NTF3: variants seen among roughly 807,000 people sequenced by gnomAD.
NTF3 encodes neurotrophin 3, also known as neurotrophin-3.
In NTF3, 8 loss-of-function variants were observed where a neutral mutation model predicts 26.3. The observed-to-expected ratio is 0.30, with a 90% CI of 0.18 to 0.55. NTF3 has a LOEUF of 0.55. NTF3 is among the 20% of genes least tolerant of loss of function. NTF3 has a pLI of 0.93. For missense variants in NTF3, 276 were observed against 352.9 expected (o/e 0.78, Z 1.75); for synonymous variants, 154 against 145.5 (o/e 1.06, Z -0.42).
At chr12:5,432,367 G>C (rs1345344806) in intron 1 of NTF3, 25 bp downstream of exon 1, 1 of 1,611,280 alleles carries the variant, frequency 6.2e-7, no homozygotes, top group East Asian at 2.2e-5. Context: ...CGGGCACCTT[G>C]GGTGGGCAGG....
chr12:5,488,793 AT>A (rs1230077740), intron 1 of NTF3, among the ~76,000 whole-genome samples: 1 of 152,180 alleles, frequency 6.6e-6, no homozygotes, highest in Admixed American at 6.5e-5. Context: ...AGCCGAAGAA[AT>A]TCTCCAAAGA....
chr12:5,470,941 A>C (rs1471873508), intron 1 of NTF3, among the ~76,000 whole-genome samples: 1 of 151,364 alleles, frequency 6.6e-6, no homozygotes, highest in East Asian at 1.9e-4. Flanking sequence ...ATACACGCAG[A>C]AGCTGCACAT....
chr12:5,468,375 T>C (rs1255851278), intron 1 of NTF3, among the ~76,000 whole-genome samples: 2 of 152,176 alleles, frequency 1.3e-5, no homozygotes, highest in African/African-American at 4.8e-5. Flanking sequence ...GCCTTTTTTT[T>C]ACTTTTCAAG....
At chr12:5,435,554 G>C (rs547696733) in intron 1 of NTF3, among the ~76,000 whole-genome samples, 8 of 152,086 alleles carry the variant, frequency 5.3e-5, no homozygotes, top group African/African-American at 1.9e-4. Context: ...TGGGAAGGGA[G>C]CTGGACGGTG....
At chr12:5,443,554 G>C (rs977968760) in intron 1 of NTF3, among the ~76,000 whole-genome samples, 1 of 152,078 alleles carries the variant, frequency 6.6e-6, no homozygotes, top group African/African-American at 2.4e-5. Context: ...ATATGTGCAT[G>C]GTGCTTTGCG....
At chr12:5,471,202 G>A (rs1006976828) in intron 1 of NTF3, among the ~76,000 whole-genome samples, 22 of 152,108 alleles carry the variant, frequency 1.4e-4, no homozygotes, top group Admixed American at 6.6e-5. Flanking sequence ...CTATTAATGT[G>A]GAACAGACGG....
At chr12:5,458,533 AGTT>A (rs1215256484) in intron 1 of NTF3, among the ~76,000 whole-genome samples, 1 of 152,208 alleles carries the variant, frequency 6.6e-6, no homozygotes, top group Non-Finnish European at 1.5e-5. Flanking sequence ...GCCAATAAAA[AGTT>A]GATGAATGAA....
At chr12:5,432,555 CTACA>C (rs1565568611) in intron 1 of NTF3, among the ~76,000 whole-genome samples, 1 of 98,334 alleles carries the variant, frequency 1.0e-5, no homozygotes, top group African/African-American at 4.1e-5. Flanking sequence ...AGCCACCCCG[CTACA>C]CACACACACA....
intron 1 of NTF3, among the ~76,000 whole-genome samples, chr12:5,446,081 C>T (rs539980107): frequency 6.6e-6 from 1 of 152,262 alleles, no homozygotes; most frequent in Admixed American, 6.5e-5. Context: ...TTATATGTGT[C>T]ATCGTAGTTC....
At chr12:5,482,227 T>A (rs1372800199) in intron 1 of NTF3, among the ~76,000 whole-genome samples, 1 of 152,204 alleles carries the variant, frequency 6.6e-6, no homozygotes, top group African/African-American at 2.4e-5. Flanking sequence ...TACTGGCCTG[T>A]CGCTTGTAGC....
chr12:5,452,375 G>A (rs141682536), intron 1 of NTF3, among the ~76,000 whole-genome samples: 3 of 152,138 alleles, frequency 2.0e-5, no homozygotes, highest in Non-Finnish European at 4.4e-5. Flanking sequence ...AATTACAGGC[G>A]TGAGCCACCG....
chr12:5,432,308 A>G lies in NTF3; in HGVS notation c.-17A>G. ...TCTCTTCATGTCGACGTCCCTGGAA[A>G]CGGCCACACGGATGCCATGGTTACT... On this transcript the variant is annotated 5_prime_UTR_variant, in exon 1 of 2. Coordinates refer to ENST00000423158, the MANE Select transcript of NTF3 (RefSeq NM_001102654.2). 2.5e-6 allele frequency: 4 copies of G among 1,611,580 alleles called. No homozygotes were observed. Among genetic ancestry groups the G allele is most frequent in the Non-Finnish European group, 1.7e-6 (2 of 1,179,014 alleles).
At chr12:5,442,594 C>T (rs565801619) in intron 1 of NTF3, among the ~76,000 whole-genome samples, 3 of 152,302 alleles carry the variant, frequency 2.0e-5, no homozygotes, top group African/African-American at 4.8e-5. Context: ...AACAGACTGC[C>T]ATCTACTGTC....
At chr12:5,458,536 T>C (rs1263348993) in intron 1 of NTF3, among the ~76,000 whole-genome samples, 2 of 152,172 alleles carry the variant, frequency 1.3e-5, no homozygotes, top group African/African-American at 4.8e-5. Context: ...AATAAAAAGT[T>C]GATGAATGAA....
chr12:5,485,899 C>A (rs188644796), intron 1 of NTF3, among the ~76,000 whole-genome samples: 7 of 152,270 alleles, frequency 4.6e-5, no homozygotes, highest in Admixed American at 4.6e-4. Context: ...CCTCAGTTCC[C>A]TAGTCTGTAA....
At chr12:5,434,831 T>G (rs1490153693) in intron 1 of NTF3, among the ~76,000 whole-genome samples, 3 of 143,640 alleles carry the variant, frequency 2.1e-5, no homozygotes, top group South Asian at 2.3e-4. Flanking sequence ...GGGATGTGTG[T>G]GGGGGGTGGG....
chr12:5,436,422 A>G (rs778780782), intron 1 of NTF3, among the ~76,000 whole-genome samples: 39 of 152,240 alleles, frequency 2.6e-4, no homozygotes, highest in Non-Finnish European at 1.8e-4. Context: ...CTGGATTGGG[A>G]ATGTCTTAGT....
At chr12:5,469,481 A>G (rs1269400576) in intron 1 of NTF3, among the ~76,000 whole-genome samples, 1 of 152,252 alleles carries the variant, frequency 6.6e-6, no homozygotes, top group Non-Finnish European at 1.5e-5. Context: ...GGTCACAATC[A>G]TGGGGCCGGT....
In NTF3 at chr12:5,494,807, C is replaced by A; in HGVS notation, c.632C>A (p.Ala211Asp). The A allele has an allele frequency of 6.2e-7, 1 of 1,614,076 alleles. No individual in the cohort carries two copies. The change falls in exon 2 of 2, where the codon GCC (alanine) becomes GAC (aspartate). Residue 211 changes from alanine (A) to aspartate (D), a missense_variant. Ala to Asp is a moderately radical substitution (Grantham distance 126, BLOSUM62 -2). Coordinates refer to ENST00000423158, the MANE Select transcript of NTF3 (RefSeq NM_001102654.2). The surrounding 1 kb of genome is among the most constrained non-coding windows in gnomAD (Gnocchi z 8.3). The part of the protein sequence containing the change: ...QYFYETRCKE[A>D]RPVKNGCRGI... Reference sequence around the variant, plus strand: ...TTTTATGAAACGCGATGTAAGGAAGCCAGGCCGGTCAAAAACGGTTGCAGG... The same window carrying A: ...TTTTATGAAACGCGATGTAAGGAAGACAGGCCGGTCAAAAACGGTTGCAGG...
Sources: allele counts gnomAD v4.1 joint callset (sites outside exome capture counted in the v4.1 genomes callset), GRCh38; gene constraint gnomAD v4.1.1; non-coding constraint Gnocchi (gnomAD v3.1); transcripts MANE v1.5; gene names NCBI Gene and HGNC (gene_info 2026-07-23, HGNC 2026-07-21).